The following MAD1L1 variants were observed in gnomAD, a reference collection of about 807,000 sequenced individuals.
The protein encoded by MAD1L1 is mitotic spindle assembly checkpoint protein MAD1.
A neutral mutation model predicts 96.9 loss-of-function variants in MAD1L1; 95 were observed. That is an observed-to-expected ratio of 0.98 (90% CI 0.83 to 1.16). The LOEUF is 1.16. Ranked by LOEUF, MAD1L1 falls within the 50% of genes most tolerant of loss-of-function variation. The pLI is 0.00. For synonymous variants in MAD1L1, 473 were observed against 396.6 expected (o/e 1.19, Z -2.29); for missense variants, 1,007 against 954.4 (o/e 1.06, Z -0.73).
At chr7:2,125,048 G>A (rs917402214) in intron 11 of MAD1L1, among the ~76,000 whole-genome samples, 3 of 152,104 alleles carry the variant, frequency 2.0e-5, no homozygotes, top group South Asian at 2.1e-4. Flanking sequence ...CTGGGCTCCC[G>A]GCCCACACTA....
At chr7:1,955,180 A>T (rs375311591) in intron 16 of MAD1L1, among the ~76,000 whole-genome samples, 17 of 152,354 alleles carry the variant, frequency 1.1e-4, no homozygotes, top group South Asian at 2.1e-4. Flanking sequence ...ATATGTTCCC[A>T]ATTAAGTCAG....
intron 18 of MAD1L1, among the ~76,000 whole-genome samples, chr7:1,857,342 C>T (rs1229874069): frequency 2.6e-5 from 4 of 152,150 alleles, no homozygotes; most frequent in Admixed American, 6.5e-5. Flanking sequence ...GCTCGGGGGG[C>T]GGCACAAGGT....
At chr7:2,124,175 C>T (rs1348605656) in intron 11 of MAD1L1, among the ~76,000 whole-genome samples, 2 of 152,246 alleles carry the variant, frequency 1.3e-5, no homozygotes, top group African/African-American at 4.8e-5. Context: ...ACTCGCAGAG[C>T]AGCAAGGCAG....
intron 10 of MAD1L1, among the ~76,000 whole-genome samples, chr7:2,152,161 C>T (rs1012228007): frequency 6.6e-6 from 1 of 152,240 alleles, no homozygotes; most frequent in Admixed American, 6.5e-5. Flanking sequence ...CAGACCCCAG[C>T]CCTCGGGAGC....
chr7:1,898,693 G>A (rs954008432), intron 17 of MAD1L1, among the ~76,000 whole-genome samples: 2 of 152,206 alleles, frequency 1.3e-5, no homozygotes, highest in African/African-American at 4.8e-5. Context: ...ATCAGCCCTC[G>A]GCCTGCAGAA....
chr7:1,938,780 A>C (rs1778756737), intron 16 of MAD1L1, among the ~76,000 whole-genome samples: 1 of 139,138 alleles, frequency 7.2e-6, no homozygotes. Context: ...GCACGCACAC[A>C]GAGACCAGGA....
At chr7:2,126,783 G>A (rs1188443229) in intron 11 of MAD1L1, among the ~76,000 whole-genome samples, 4 of 152,166 alleles carry the variant, frequency 2.6e-5, no homozygotes, top group African/African-American at 9.7e-5. Context: ...ACCCTGCAGT[G>A]AGCCACGAGC....
At chr7:2,076,168 A>G (rs1368109982) in intron 11 of MAD1L1, among the ~76,000 whole-genome samples, 1 of 152,224 alleles carries the variant, frequency 6.6e-6, no homozygotes, top group Non-Finnish European at 1.5e-5. Context: ...ACGCCTCCAC[A>G]GCCACGCCCG....
intron 12 of MAD1L1, among the ~76,000 whole-genome samples, chr7:2,025,359 A>G (rs1782953095): frequency 6.6e-6 from 1 of 152,258 alleles, no homozygotes; most frequent in Admixed American, 6.5e-5. Flanking sequence ...AGCAGAACCA[A>G]TGGGAGTCAA....
chr7:1,910,644 C>T (rs772577721), intron 17 of MAD1L1, among the ~76,000 whole-genome samples: 15 of 152,232 alleles, frequency 9.9e-5, no homozygotes, highest in South Asian at 2.1e-4. Flanking sequence ...CTAGAGCTCA[C>T]GAGCATCTGA....
chr7:2,019,313 C>T (rs1434643243), intron 12 of MAD1L1, among the ~76,000 whole-genome samples: 1 of 152,174 alleles, frequency 6.6e-6, no homozygotes, highest in Non-Finnish European at 1.5e-5. Context: ...CCCAGCTGGT[C>T]GTTTCCCAAA....
chr7:1,938,764 A>G (rs1236680709), intron 16 of MAD1L1, among the ~76,000 whole-genome samples: 3 of 144,752 alleles, frequency 2.1e-5, no homozygotes, highest in South Asian at 2.3e-4. Context: ...ACACACACAC[A>G]CACACGCACG....
chr7:2,085,732 TG>T (rs1785884436), intron 11 of MAD1L1, among the ~76,000 whole-genome samples: 1 of 152,228 alleles, frequency 6.6e-6, no homozygotes, highest in African/African-American at 2.4e-5. Context: ...GAGGGGCATT[TG>T]GGTTGGCCCC....
At chr7:1,873,791 G>A (rs753412547) in intron 18 of MAD1L1, among the ~76,000 whole-genome samples, 9 of 152,142 alleles carry the variant, frequency 5.9e-5, no homozygotes, top group Non-Finnish European at 8.8e-5. Flanking sequence ...GCCCAGTGGG[G>A]AGACGTGTGT....
rs527946437 is a variant in MAD1L1, at chr7:1,846,730, G to A, written c.1999-30502C>T. The A allele has an allele frequency of 1.3e-4, 21 of 164,312 alleles. No homozygotes were observed. The South Asian group carries it at 2.3e-3, about 18-fold the overall frequency. The allele number at this position is 164,312 out of a possible 1,614,324, so 10.2% of individuals were successfully genotyped here. A position where few individuals can be genotyped will look rare whatever the true frequency, so the allele number is the denominator to read the frequency against. ...GGGATGAGAAGCCTGAGGCCGGCCCGTCCCTGCTCCAGACGCCCCCCCACC... is the reference window on the plus strand; with the variant it reads ...GGGATGAGAAGCCTGAGGCCGGCCCATCCCTGCTCCAGACGCCCCCCCACC... On this transcript the variant is annotated intron_variant, in intron 18 of 18. Transcript: ENST00000265854.
chr7:1,970,972 T>C (rs1351749964), intron 15 of MAD1L1, among the ~76,000 whole-genome samples: 1 of 152,238 alleles, frequency 6.6e-6, no homozygotes, highest in African/African-American at 2.4e-5. Flanking sequence ...TGTGTGCGAG[T>C]TGCGCTAATA....
intron 10 of MAD1L1, among the ~76,000 whole-genome samples, chr7:2,198,083 GTT>G (rs78102383): frequency 3.4e-4 from 45 of 134,120 alleles, no homozygotes; most frequent in Non-Finnish European, 4.7e-4. Flanking sequence ...ATGAGTTTGG[GTT>G]TTTTTTTTTT....
intron 17 of MAD1L1, among the ~76,000 whole-genome samples, chr7:1,925,498 G>A (rs1382244240): frequency 2.0e-5 from 3 of 152,184 alleles, no homozygotes; most frequent in Non-Finnish European, 2.9e-5. Context: ...TTCCTGAGGC[G>A]CCATCACATG....
intron 11 of MAD1L1, among the ~76,000 whole-genome samples, chr7:2,077,945 C>T (rs1222964231): frequency 1.3e-5 from 2 of 152,196 alleles, no homozygotes; most frequent in Non-Finnish European, 2.9e-5. Context: ...AAATGGAGCA[C>T]GAACTGGTTT....
Sources: allele counts gnomAD v4.1 joint callset (sites outside exome capture counted in the v4.1 genomes callset), GRCh38; gene constraint gnomAD v4.1.1; transcripts MANE v1.5; gene names NCBI Gene and HGNC (gene_info 2026-07-23, HGNC 2026-07-21).